Variants in ST18 observed in about 807,000 individuals in gnomAD.
ST18 encodes ST18 C2H2C-type zinc finger transcription factor.
In ST18, 50 loss-of-function variants were observed where a neutral mutation model predicts 110.0. That is an observed-to-expected ratio of 0.45 (90% confidence interval 0.36 to 0.58). ST18 has a LOEUF of 0.58. Among genes scored for constraint, ST18 ranks in the 20% least tolerant of loss-of-function variants. The pLI is 0.00. For synonymous variants in ST18, 461 were observed against 452.4 expected (o/e 1.02, Z -0.24); for missense variants, 1,306 against 1,280.1 (o/e 1.02, Z -0.31).
intron 2 of ST18, among the ~76,000 whole-genome samples, chr8:52,311,130 A>G (rs1301717865): frequency 6.6e-6 from 1 of 152,224 alleles, no homozygotes; most frequent in African/African-American, 2.4e-5. Context: ...GAAGGGGTCC[A>G]TTGTCAACAT....
At chr8:52,208,227 A>G (rs2080813312) in intron 8 of ST18, among the ~76,000 whole-genome samples, 1 of 152,226 alleles carries the variant, frequency 6.6e-6, no homozygotes, top group African/African-American at 2.4e-5. Flanking sequence ...CTCTAGAAGC[A>G]ATAACACGTC....
chr8:52,167,695 G>A (rs11997350), intron 10 of ST18, among the ~76,000 whole-genome samples: 16,008 of 152,252 alleles, frequency 0.11, 2,822 homozygotes, highest in African/African-American at 0.37. Context: ...ACTTGGAAGG[G>A]AAATGTTCTT....
At chr8:52,360,614 C>A (rs550131599) in intron 2 of ST18, among the ~76,000 whole-genome samples, 1 of 152,072 alleles carries the variant, frequency 6.6e-6, no homozygotes, top group East Asian at 1.9e-4. Flanking sequence ...TTGGAAAAAT[C>A]AAGTGAACTG....
chr8:52,285,429 T>C (rs764866026), intron 2 of ST18, among the ~76,000 whole-genome samples: 12 of 152,220 alleles, frequency 7.9e-5, no homozygotes, highest in Non-Finnish European at 1.5e-4. Flanking sequence ...AACAACAGAA[T>C]TGCCTTGTGT....
At chr8:52,260,734 A>G (rs772851784) in intron 2 of ST18, among the ~76,000 whole-genome samples, 43 of 152,188 alleles carry the variant, frequency 2.8e-4, no homozygotes, top group Middle Eastern at 3.4e-3. Context: ...ATTTTTTTCT[A>G]TTTAGATTGA....
intron 2 of ST18, among the ~76,000 whole-genome samples, chr8:52,266,152 T>C (rs1234008248): frequency 6.6e-6 from 1 of 152,172 alleles, no homozygotes; most frequent in Non-Finnish European, 1.5e-5. Flanking sequence ...GTTTTGGGAA[T>C]GGTAAGGTTG....
chr8:52,222,119 C>A (rs1053054247), intron 3 of ST18: 7 of 152,098 alleles, frequency 4.6e-5, no homozygotes, highest in African/African-American at 1.4e-4. Flanking sequence ...AATACCCTAT[C>A]GTGTTATGTA....
At chr8:52,308,065 C>T (rs969472527) in intron 2 of ST18, among the ~76,000 whole-genome samples, 1 of 152,186 alleles carries the variant, frequency 6.6e-6, no homozygotes, top group African/African-American at 2.4e-5. Flanking sequence ...TACTTTGGAA[C>T]CGTGTTGAAG....
At chr8:52,309,638 A>G (rs2095872016) in intron 2 of ST18, among the ~76,000 whole-genome samples, 1 of 152,084 alleles carries the variant, frequency 6.6e-6, no homozygotes, top group African/African-American at 2.4e-5. Flanking sequence ...GATTATTTAA[A>G]CAATAATATG....
At chr8:52,287,682 C>T (rs1474680837) in intron 2 of ST18, among the ~76,000 whole-genome samples, 1 of 152,182 alleles carries the variant, frequency 6.6e-6, no homozygotes, top group Non-Finnish European at 1.5e-5. Flanking sequence ...CAAGCTTTGG[C>T]ATTGCATATA....
intron 9 of ST18, among the ~76,000 whole-genome samples, chr8:52,178,685 A>AAAC (rs1038772923): frequency 6.6e-6 from 1 of 150,760 alleles, no homozygotes; most frequent in Non-Finnish European, 1.5e-5. Flanking sequence ...AAACCCACCA[A>AAAC]AACAACAACA....
At chr8:52,201,752 G>A (rs146498637) in intron 8 of ST18, among the ~76,000 whole-genome samples, 90 of 152,308 alleles carry the variant, frequency 5.9e-4, no homozygotes, top group African/African-American at 2.1e-3. Flanking sequence ...CCTGCAGTCT[G>A]AGACCACGCC....
Position 52,330,204 on chromosome 8 carries a change from C to A in ST18, c.-465+79124G>T, listed in dbSNP as rs1280745381. Among the ~76,000 whole-genome samples the A allele has an allele frequency of 5.3e-5, 8 of 152,150 alleles. No homozygotes were observed. In the East Asian group the frequency reaches 1.5e-3, roughly 29 times the overall value. The stretch of plus-strand genomic sequence containing the variant: ...ATATGAAGTTTATTATTCTTATCTT[C>A]ATTTAATGTCCTGAGGAACCAGGTG... On this transcript the variant is annotated intron_variant, in intron 2 of 25. Coordinates refer to ENST00000689386, the MANE Select transcript of ST18 (RefSeq NM_001352837.2).
At chr8:52,256,969 C>T (rs1203901224) in intron 2 of ST18, among the ~76,000 whole-genome samples, 2 of 152,046 alleles carry the variant, frequency 1.3e-5, no homozygotes, top group South Asian at 4.1e-4. Context: ...CCACCAATTC[C>T]CTCCCTCTCA....
rs72642768 is a variant in ST18, at chr8:52,289,734, C to T, written c.-464-59657G>A. Reference sequence around the variant, plus strand: ...ACCTTCTGTCAAATTCACTCTCTCACCCTCCACATTGCAGGGGCTCATCAG... The same window carrying T: ...ACCTTCTGTCAAATTCACTCTCTCATCCTCCACATTGCAGGGGCTCATCAG... On this transcript the variant is annotated intron_variant, in intron 2 of 25. Transcript: ENST00000689386. Among the ~76,000 whole-genome samples, 364 of 152,226 alleles carry T rather than the reference C, an allele frequency of 2.4e-3. 1 individual carries two copies. The highest frequency in any genetic ancestry group is 4.1e-3 in the Non-Finnish European group (278 of 68,014).
chr8:52,183,091 C>T (rs548912828), intron 8 of ST18, among the ~76,000 whole-genome samples: 9 of 152,278 alleles, frequency 5.9e-5, no homozygotes, highest in South Asian at 2.1e-4. Context: ...CCAAAGCTCA[C>T]GTCCTCTCCT....
At chr8:52,340,526 C>T (rs1590060602) in intron 2 of ST18, among the ~76,000 whole-genome samples, 2 of 152,308 alleles carry the variant, frequency 1.3e-5, no homozygotes, top group African/African-American at 2.4e-5. Flanking sequence ...AAGTCTATCA[C>T]GGGGTTTTCA....
intron 14 of ST18, among the ~76,000 whole-genome samples, chr8:52,160,687 A>G (rs950332042): frequency 6.6e-6 from 1 of 152,222 alleles, no homozygotes; most frequent in Non-Finnish European, 1.5e-5. Context: ...TAAGGACCCC[A>G]ACAACCTGAA....
At chr8:52,352,666 G>A (rs1294837638) in intron 2 of ST18, among the ~76,000 whole-genome samples, 1 of 152,162 alleles carries the variant, frequency 6.6e-6, no homozygotes, top group Non-Finnish European at 1.5e-5. Context: ...GCCCCGTGCT[G>A]GGCACTAGCG....
Sources: allele counts gnomAD v4.1 joint callset (sites outside exome capture counted in the v4.1 genomes callset), GRCh38; gene constraint gnomAD v4.1.1; transcripts MANE v1.5; gene names NCBI Gene and HGNC (gene_info 2026-07-23, HGNC 2026-07-21).